The following SNX29 variants were observed in gnomAD, a reference collection of about 807,000 sequenced individuals.
SNX29 encodes the protein sorting nexin-29.
SNX29 carries 78 observed loss-of-function variants against 102.1 expected under a neutral mutation model. The ratio of observed to expected loss-of-function variants is 0.76; its 90% CI spans 0.64 to 0.92. The LOEUF is 0.92. Among genes scored for constraint, SNX29 ranks in the 40% least tolerant of loss-of-function variants. The pLI is 0.00. For missense variants in SNX29, 1,280 were observed against 1,061.7 expected (o/e 1.21, Z -2.86); for synonymous variants, 580 against 414.5 (o/e 1.40, Z -4.85).
chr16:12,563,563 C>T (rs1160906589), intron 20 of SNX29, among the ~76,000 whole-genome samples: 3 of 152,142 alleles, frequency 2.0e-5, no homozygotes, highest in Non-Finnish European at 4.4e-5. Context: ...GGGTCTACCC[C>T]ACCCCTTTGG....
chr16:12,436,300 C>T (rs976857040), intron 18 of SNX29, among the ~76,000 whole-genome samples: 2 of 152,114 alleles, frequency 1.3e-5, no homozygotes, highest in African/African-American at 2.4e-5. Flanking sequence ...AGCTCACAGA[C>T]GTTTCTATTC....
chr16:12,526,122 T>C (rs531456757), intron 20 of SNX29, among the ~76,000 whole-genome samples: 4 of 152,358 alleles, frequency 2.6e-5, no homozygotes, highest in South Asian at 2.1e-4. Flanking sequence ...TTGGGACTTA[T>C]TCGAGAAGCA....
intron 20 of SNX29, among the ~76,000 whole-genome samples, chr16:12,559,225 C>T (rs991295691): frequency 1.3e-5 from 2 of 152,070 alleles, no homozygotes; most frequent in Non-Finnish European, 2.9e-5. Flanking sequence ...GTATTTACAG[C>T]CACTCCCCAT....
intron 20 of SNX29, among the ~76,000 whole-genome samples, chr16:12,558,050 C>G (rs2078481268): frequency 6.6e-6 from 1 of 152,194 alleles, no homozygotes; most frequent in African/African-American, 2.4e-5. Context: ...GCCGGGATTA[C>G]AACAGAGACA....
intron 18 of SNX29, among the ~76,000 whole-genome samples, chr16:12,447,953 T>TG (rs570744089): frequency 1.1e-3 from 169 of 152,104 alleles, no homozygotes; most frequent in Non-Finnish European, 1.6e-3. Context: ...AATCAGCTGA[T>TG]GGTAGCTGAG....
intron 19 of SNX29, among the ~76,000 whole-genome samples, chr16:12,510,634 C>A (rs960861942): frequency 3.3e-5 from 5 of 152,130 alleles, no homozygotes; most frequent in Admixed American, 2.0e-4. Context: ...GATGGCCCCA[C>A]TGCACTCCAG....
chr16:12,177,285 C>T (rs754554253), intron 13 of SNX29, among the ~76,000 whole-genome samples: 6 of 152,144 alleles, frequency 3.9e-5, no homozygotes, highest in African/African-American at 4.8e-5. Flanking sequence ...ACTTCTGTGT[C>T]GGTGTGTCTA....
chr16:12,364,416 C>CTTCTTT (rs1555520124), intron 16 of SNX29, among the ~76,000 whole-genome samples: 4 of 98,776 alleles, frequency 4.0e-5, no homozygotes, highest in African/African-American at 1.3e-4. Flanking sequence ...CTCTCTTCTT[C>CTTCTTT]TTTTTTTTTT....
chr16:12,285,960 A>C (rs1478192851), intron 15 of SNX29, among the ~76,000 whole-genome samples: 1 of 151,938 alleles, frequency 6.6e-6, no homozygotes, highest in Non-Finnish European at 1.5e-5. Context: ...GGTTCAAGTG[A>C]TTCTCCTGCT....
In SNX29 at chr16:12,536,642, A is replaced by C. The variant is rs557314149; in HGVS notation, c.2318+11801A>C. Among the ~76,000 whole-genome samples the C allele has an allele frequency of 6.6e-5, 10 of 152,256 alleles. No homozygotes were observed. In the South Asian group the frequency reaches 1.9e-3, roughly 28 times the overall value. On this transcript the variant is annotated intron_variant, in intron 20 of 20. Coordinates refer to ENST00000566228, the MANE Select transcript of SNX29 (RefSeq NM_032167.5). ...GGCTGCAGCAGGGGTGTATACAGCT[A>C]ATTTCTGGGTTCCTTAGATCCAGGG...
intron 20 of SNX29, among the ~76,000 whole-genome samples, chr16:12,544,789 A>T (rs1375482050): frequency 6.6e-6 from 1 of 152,212 alleles, no homozygotes; most frequent in Non-Finnish European, 1.5e-5. Context: ...CTGCAGAGCC[A>T]GGATTCTAGA....
chr16:12,047,059 A>C (rs1199167777), intron 6 of SNX29, among the ~76,000 whole-genome samples: 1 of 152,056 alleles, frequency 6.6e-6, no homozygotes, highest in Non-Finnish European at 1.5e-5. Flanking sequence ...TCCTGGCTTT[A>C]CCCCTTGCTA....
intron 4 of SNX29, among the ~76,000 whole-genome samples, chr16:12,037,884 G>T (rs2057520287): frequency 6.6e-6 from 1 of 152,068 alleles, no homozygotes; most frequent in Admixed American, 6.5e-5. Context: ...GAGCCCAGGA[G>T]TTCAAGACTG....
intron 20 of SNX29, among the ~76,000 whole-genome samples, chr16:12,549,270 A>G (rs1377570856): frequency 2.0e-5 from 3 of 152,170 alleles, no homozygotes; most frequent in African/African-American, 7.2e-5. Context: ...CTGAGGTGGT[A>G]GATCACTCAG....
chr16:12,387,654 G>A (rs1273013775), intron 16 of SNX29, among the ~76,000 whole-genome samples: 2 of 152,170 alleles, frequency 1.3e-5, no homozygotes, highest in Non-Finnish European at 2.9e-5. Flanking sequence ...TACTGGCTCT[G>A]TTTTACAGAT....
At chr16:12,561,483 G>A (rs1008685256) in intron 20 of SNX29, among the ~76,000 whole-genome samples, 2 of 152,106 alleles carry the variant, frequency 1.3e-5, no homozygotes, top group Admixed American at 6.5e-5. Flanking sequence ...AGTATTGACC[G>A]GCTCGCCAGA....
intron 18 of SNX29, among the ~76,000 whole-genome samples, chr16:12,476,716 A>T (rs187003629): frequency 2.0e-5 from 3 of 151,974 alleles, no homozygotes; most frequent in Non-Finnish European, 2.9e-5. Context: ...TCGTGGTTTT[A>T]GTCTCTAGTC....
chr16:12,572,001 A>AT lies in SNX29; in HGVS notation c.*3373dup. 1 of 1,062,284 alleles carries AT rather than the reference A, an allele frequency of 9.4e-7. No individual in the cohort carries two copies. Among genetic ancestry groups the AT allele is most frequent in the Non-Finnish European group, 1.1e-6 (1 of 877,344 alleles). The allele number at this position is 1,062,284 out of a possible 1,614,324, so 65.8% of individuals were successfully genotyped here. ...ATCTTCACATCCAGTCACCAGTTGC[A>AT]TCTAGGGAGCTGCTGGCTATAAAAG... On this transcript the variant is annotated 3_prime_UTR_variant, in exon 21 of 21. Transcript: ENST00000566228.
intron 16 of SNX29, among the ~76,000 whole-genome samples, chr16:12,364,456 A>G (rs993297320): frequency 1.5e-5 from 2 of 135,538 alleles, no homozygotes; most frequent in South Asian, 2.4e-4. Flanking sequence ...TAGGACTCTT[A>G]TTATGTTTTT....
Sources: gnomAD v4.1 joint callset for allele counts (sites outside exome capture counted in the v4.1 genomes callset) on GRCh38, gnomAD v4.1.1 for gene constraint, MANE v1.5 for transcripts, NCBI Gene and HGNC (gene_info 2026-07-23, HGNC 2026-07-21) for gene names.